Variants in FAM83F observed in about 807,000 individuals in gnomAD.
FAM83F encodes scaffolding CK1 anchoring protein F, also known as protein FAM83F.
FAM83F carries 45 observed loss-of-function variants against 42.9 expected under a neutral mutation model. The observed-to-expected ratio is 1.05, with a 90% CI of 0.83 to 1.35. FAM83F has a LOEUF of 1.35. FAM83F is among the 40% of genes most tolerant of loss of function. FAM83F has a pLI of 0.00. For synonymous variants in FAM83F, 306 were observed against 298.3 expected (o/e 1.03, Z -0.27); for missense variants, 617 against 695.9 (o/e 0.89, Z 1.28).
chr22:39,995,914 G>A lies in FAM83F; in HGVS notation c.489+383G>A, dbSNP rs2067371976. ...ACGTGCTGCCCAGAACATATCCCGA[G>A]CCGCTTTCTCATGTGATCGTCAAAA... On this transcript the variant is annotated intron_variant, in intron 1 of 4. Coordinates refer to ENST00000333407, the MANE Select transcript of FAM83F (RefSeq NM_138435.4). This position sits in a 1 kb window ranked among gnomAD's most constrained non-coding sequence, Gnocchi z 4.6. Among the ~76,000 whole-genome samples the A allele has an allele frequency of 6.6e-6, 1 of 152,188 alleles. No individual in the cohort carries two copies. Among genetic ancestry groups the A allele is most frequent in the Non-Finnish European group, 1.5e-5 (1 of 68,042 alleles).
chr22:40,027,748 G>A (rs1410204393), intron 4 of FAM83F, among the ~76,000 whole-genome samples: 1 of 152,218 alleles, frequency 6.6e-6, no homozygotes, highest in African/African-American at 2.4e-5. Flanking sequence ...ACAAAAAAGT[G>A]GGGAGCATGG....
intron 1 of FAM83F, among the ~76,000 whole-genome samples, chr22:40,008,249 C>T (rs1394645868): frequency 1.3e-5 from 2 of 152,244 alleles, no homozygotes; most frequent in Non-Finnish European, 2.9e-5. Context: ...GTCTGTGCCG[C>T]GGGAGGCGCG....
rs548156672 is a variant in FAM83F at position 39,995,241 on chromosome 22, C to T, written c.199C>T (p.Leu67=). The T allele has an allele frequency of 3.2e-3, 4,916 of 1,534,362 alleles. 12 individuals carry two copies. Among genetic ancestry groups the T allele is most frequent in the Non-Finnish European group, 4.1e-3 (4,712 of 1,145,734 alleles). The change falls in exon 1 of 5, where the codon CTG becomes TTG. Residue 67 remains leucine (L), a synonymous_variant. Transcript: ENST00000333407. This position sits in a 1 kb window ranked among gnomAD's most constrained non-coding sequence, Gnocchi z 4.6. ...CCTCTCCAGCCCGGAGCGCCAGGCC[C>T]TGCGGGCCGCCTGGAGCCCCTACGA... is the stretch of plus-strand genomic sequence containing the variant. The part of the protein sequence containing the change: ...DFLSSPERQA[L]RAAWSPYEDA...
In FAM83F at chr22:40,025,912, G is replaced by A. The variant is rs189674037; in HGVS notation, c.1454-3604G>A. Reference sequence around the variant, plus strand: ...CTGCCCTTTGAGTGCTGCCAGCCTAGGGGAGGAGATCCCTGTGCTGTGCCT... The same window carrying A: ...CTGCCCTTTGAGTGCTGCCAGCCTAAGGGAGGAGATCCCTGTGCTGTGCCT... On this transcript the variant is annotated intron_variant, in intron 4 of 4. Transcript: ENST00000333407. Among the ~76,000 whole-genome samples, 421 of 152,310 alleles carry A rather than the reference G, an allele frequency of 2.8e-3. 1 individual carries two copies. Among genetic ancestry groups the A allele is most frequent in the African/African-American group, 9.9e-3 (411 of 41,570 alleles).
intron 1 of FAM83F, among the ~76,000 whole-genome samples, chr22:40,010,572 C>T (rs1601766255): frequency 1.3e-5 from 2 of 152,226 alleles, no homozygotes; most frequent in Admixed American, 1.3e-4. Flanking sequence ...CATCCTTAGG[C>T]AGGTGGGGCT....
chr22:39,997,325 G>GGATGT (rs2067377256), intron 1 of FAM83F, among the ~76,000 whole-genome samples: 1 of 152,224 alleles, frequency 6.6e-6, no homozygotes, highest in African/African-American at 2.4e-5. Context: ...GGCCACTGAG[G>GGATGT]CATCTAGTCC....
chr22:39,998,989 A>G (rs2067384212), intron 1 of FAM83F: 1 of 152,232 alleles, frequency 6.6e-6, no homozygotes, highest in African/African-American at 2.4e-5. Context: ...AAGGGGACCA[A>G]TCTGGATAGG....
chr22:39,996,511 G>A, intron 1 of FAM83F, among the ~76,000 whole-genome samples: 1 of 152,162 alleles, frequency 6.6e-6, no homozygotes, highest in Admixed American at 6.5e-5. Flanking sequence ...AACTCTGGCT[G>A]CCCTACACTG....
Position 40,023,864 on chromosome 22 carries a change from C to T in FAM83F, c.1453+1901C>T, listed in dbSNP as rs909051438. On this transcript the variant is annotated intron_variant, in intron 4 of 4. Transcript: ENST00000333407. The surrounding 1 kb of genome is among the most constrained non-coding windows in gnomAD (Gnocchi z 4.1). Reference sequence around the variant, plus strand: ...CGGAACCATCATCCCGTTCCTTGTCCGTCCTTTAGACGAACACAGAGCAGC... The same window carrying T: ...CGGAACCATCATCCCGTTCCTTGTCTGTCCTTTAGACGAACACAGAGCAGC... Among the ~76,000 whole-genome samples the T allele has an allele frequency of 1.3e-5, 2 of 152,188 alleles. No individual in the cohort carries two copies. Among genetic ancestry groups the T allele is most frequent in the Non-Finnish European group, 2.9e-5 (2 of 68,024 alleles).
intron 4 of FAM83F, 85 bp downstream of exon 4, chr22:40,022,048 A>T: frequency 3.4e-6 from 4 of 1,188,356 alleles, no homozygotes; most frequent in Non-Finnish European, 4.6e-6. Flanking sequence ...GCACTGCCTC[A>T]TACCTGCAGA....
At position 40,029,078 on chromosome 22, in the gene FAM83F, GACGTGT is replaced by G. The variant is rs1171329861; in HGVS notation, c.1454-437_1454-432del. Among the ~76,000 whole-genome samples the G allele has an allele frequency of 1.7e-3, 227 of 135,332 alleles. 1 individual carries two copies. The highest frequency in any genetic ancestry group is 0.011 in the Middle Eastern group (3 of 272). 88.8% of individuals were successfully genotyped at this position (135,332 alleles called of 152,430 possible). A position where few individuals can be genotyped will look rare whatever the true frequency, so the allele number is the denominator to read the frequency against. ...CTGGTAGTGAGCGGCCTCTTGGCTA[GACGTGT>G]GTGTGTGTGTGTGTGTGTGTGTGTG... On this transcript the variant is annotated intron_variant, in intron 4 of 4. Coordinates refer to ENST00000333407, the MANE Select transcript of FAM83F (RefSeq NM_138435.4).
At chr22:40,006,169 G>A (rs1490277371) in intron 1 of FAM83F, among the ~76,000 whole-genome samples, 1 of 152,076 alleles carries the variant, frequency 6.6e-6, no homozygotes, top group Non-Finnish European at 1.5e-5. Flanking sequence ...GAGCCCGGGA[G>A]GCAGAGGTTG....
intron 1 of FAM83F, chr22:39,997,977 CAG>C (rs1452027348): frequency 6.6e-6 from 1 of 152,364 alleles, no homozygotes; most frequent in Non-Finnish European, 1.5e-5. Context: ...AACTGAGGCA[CAG>C]AGAAGGAAAG....
Position 40,021,226 on chromosome 22 carries a change from C to CG in FAM83F, c.780-59dup. 1 of 1,453,112 alleles carries CG rather than the reference C, an allele frequency of 6.9e-7. No individual in the cohort carries two copies. Among genetic ancestry groups the CG allele is most frequent in the Non-Finnish European group, 9.1e-7 (1 of 1,098,328 alleles). 90.0% of individuals were successfully genotyped at this position (1,453,112 alleles called of 1,614,324 possible). On this transcript the variant is annotated intron_variant, in intron 3 of 4. Transcript: ENST00000333407. The surrounding 1 kb of genome is among the most constrained non-coding windows in gnomAD (Gnocchi z 8.7). ...GCCACAGCGGAGGGGCAGGTGGGGG[C>CG]GGGGGCAGGGCAAGAGAGAGGCCTG...
rs1036889387 is a variant in FAM83F, at chr22:40,028,545, G to A, written c.1454-971G>A. Among the ~76,000 whole-genome samples, 5 of 152,150 alleles carry A rather than the reference G, an allele frequency of 3.3e-5. No individual in the cohort carries two copies. The East Asian group carries it at 5.8e-4, about 18-fold the overall frequency. On this transcript the variant is annotated intron_variant, in intron 4 of 4. Transcript: ENST00000333407. ...TCCCCGCTCCAGCGCCTGACACCTC[G>A]CAGGCCTGCAGGTGTCAGGCCTGCC... is the stretch of plus-strand genomic sequence containing the variant.
At chr22:40,022,605 T>C (rs190388482) in intron 4 of FAM83F, among the ~76,000 whole-genome samples, 1 of 152,266 alleles carries the variant, frequency 6.6e-6, no homozygotes, top group Non-Finnish European at 1.5e-5. Context: ...GATTGTTCCA[T>C]GGCAGCGTCT....
At chr22:39,997,137 G>C (rs1009680154) in intron 1 of FAM83F, among the ~76,000 whole-genome samples, 1 of 152,220 alleles carries the variant, frequency 6.6e-6, no homozygotes, top group South Asian at 2.1e-4. Context: ...GCTAGTAAGT[G>C]GCTGAGCCAG....
At chr22:40,028,560 T>C (rs2067567876) in intron 4 of FAM83F, among the ~76,000 whole-genome samples, 1 of 151,834 alleles carries the variant, frequency 6.6e-6, no homozygotes, top group Non-Finnish European at 1.5e-5. Flanking sequence ...CCTGCAGGTG[T>C]CAGGCCTGCC....
intron 1 of FAM83F, among the ~76,000 whole-genome samples, chr22:40,005,661 C>T (rs542405543): frequency 6.6e-5 from 10 of 152,314 alleles, no homozygotes; most frequent in Non-Finnish European, 8.8e-5. Context: ...TGGATCAGCT[C>T]GACAGGGAGT....
Sources: allele counts gnomAD v4.1 joint callset (sites outside exome capture counted in the v4.1 genomes callset), GRCh38; gene constraint gnomAD v4.1.1; non-coding constraint Gnocchi (gnomAD v3.1); transcripts MANE v1.5; gene names NCBI Gene and HGNC (gene_info 2026-07-23, HGNC 2026-07-21).